Variants in ZNF280C observed in about 807,000 individuals in gnomAD.
ZNF280C encodes the protein zinc finger protein 280C.
ZNF280C carries 14 observed loss-of-function variants against 53.6 expected under a neutral mutation model. The observed-to-expected ratio is 0.26, with a 90% CI of 0.17 to 0.41. The LOEUF is 0.41. Ranked by LOEUF, ZNF280C falls within the 10% of genes least tolerant of loss-of-function variation. The pLI, the probability that ZNF280C is intolerant of heterozygous loss-of-function variation, is 1.00. For missense variants in ZNF280C, 416 were observed against 547.1 expected (o/e 0.76, Z 2.39); for synonymous variants, 203 against 181.1 (o/e 1.12, Z -0.97).
chrX:130,260,510 A>C, intron 1 of ZNF280C, 45 bp from the exon 2 acceptor site: 6 of 980,427 alleles, frequency 6.1e-6, no homozygotes, highest in Middle Eastern at 5.8e-4. Flanking sequence ...GAGTCACTTT[A>C]AGTAACACCA....
chrX:130,237,279 G>A (rs973073992), intron 6 of ZNF280C, among the ~76,000 whole-genome samples: 3 of 111,471 alleles, frequency 2.7e-5, no homozygotes, highest in African/African-American at 6.5e-5. Context: ...ATATGAAAAG[G>A]TTTAGAGTTA....
intron 11 of ZNF280C, among the ~76,000 whole-genome samples, chrX:130,227,227 T>G (rs1466676375): frequency 2.7e-5 from 3 of 112,060 alleles, no homozygotes; most frequent in African/African-American, 9.7e-5. Flanking sequence ...AAACAGAGTA[T>G]TCTCTTCTTT....
chrX:130,255,861 A>G (rs988943497), intron 2 of ZNF280C, among the ~76,000 whole-genome samples: 2 of 112,132 alleles, frequency 1.8e-5, no homozygotes, highest in African/African-American at 6.5e-5. Flanking sequence ...AGGCAGAGGC[A>G]CAAGAATCGC....
intron 2 of ZNF280C, among the ~76,000 whole-genome samples, chrX:130,247,227 GCCTCC>G (rs2032459910): frequency 8.9e-6 from 1 of 111,786 alleles, no homozygotes; most frequent in Non-Finnish European, 1.9e-5. Flanking sequence ...TCCTGCCTCA[GCCTCC>G]CAAGTAGCTG....
At chrX:130,253,111 T>A (rs918829282) in intron 2 of ZNF280C, among the ~76,000 whole-genome samples, 4 of 111,986 alleles carry the variant, frequency 3.6e-5, no homozygotes, top group Non-Finnish European at 7.5e-5. Flanking sequence ...GGCATTCCTA[T>A]ACACCAACAA....
chrX:130,241,196 C>A (rs487939), intron 5 of ZNF280C, among the ~76,000 whole-genome samples: 55,395 of 110,040 alleles, frequency 0.5, 10,816 homozygotes, highest in African/African-American at 0.72. Flanking sequence ...TCCTTCCCTG[C>A]CTGAAAGAAC....
chrX:130,241,299 T>C lies in ZNF280C; in HGVS notation c.382-1606A>G, dbSNP rs2032387803. Among the ~76,000 whole-genome samples the C allele has an allele frequency of 2.7e-5, 3 of 112,655 alleles. No individual in the cohort carries two copies. The South Asian group carries it at 1.1e-3, about 41-fold the overall frequency. The stretch of plus-strand genomic sequence containing the variant: ...ATTCGAGAATATCTGTCTGTCATTC[T>C]CAACTCTGGCTGCACATTACAGTCA... On this transcript the variant is annotated intron_variant, in intron 5 of 18. Transcript: ENST00000370978.
Position 130,250,729 on chromosome X carries a change from G to T in ZNF280C, c.32-3724C>A, listed in dbSNP as rs187538832. ...AAGAAGAGCTGGTACTATTCCTACC[G>T]AAAGTCCTTCCTAACTCATTCTATG... On this transcript the variant is annotated intron_variant, in intron 2 of 18. Coordinates refer to ENST00000370978, the MANE Select transcript of ZNF280C (RefSeq NM_017666.5). Among the ~76,000 whole-genome samples the T allele has an allele frequency of 2.7e-5, 3 of 111,998 alleles. No individual in the cohort carries two copies. In the East Asian group the frequency reaches 8.4e-4, roughly 31 times the overall value.
chrX:130,218,381 A>G (rs1054103461), intron 13 of ZNF280C, among the ~76,000 whole-genome samples: 2 of 111,869 alleles, frequency 1.8e-5, no homozygotes, highest in Non-Finnish European at 3.8e-5. Flanking sequence ...AATTCATCAC[A>G]CAGCATGGTG....
chrX:130,258,830 A>C (rs2032601098), intron 2 of ZNF280C, among the ~76,000 whole-genome samples: 1 of 111,896 alleles, frequency 8.9e-6, no homozygotes, highest in Non-Finnish European at 1.9e-5. Context: ...ACTTGACATC[A>C]AATTGAATAG....
Position 130,246,932 on chromosome X carries a change from T to A in ZNF280C, c.105A>T (p.Glu35Asp), listed in dbSNP as rs1159882679. 2.5e-6 allele frequency: 3 copies of A among 1,211,164 alleles called. No individual in the cohort carries two copies. The highest frequency in any genetic ancestry group is 3.4e-6 in the Non-Finnish European group (3 of 894,750). The part of the protein sequence containing the change: ...EELEPWQKKV[E>D]ETQDEDDDEL... Reference sequence around the variant, plus strand: ...CATCGTCATCCTCATCCTGAGTTTCTTCTACTTTCTTCTGCCATGGCTCTA... The same window carrying A: ...CATCGTCATCCTCATCCTGAGTTTCATCTACTTTCTTCTGCCATGGCTCTA... The change falls in exon 3 of 19, where the codon GAA becomes GAT. Residue 35 changes from glutamate (E) to aspartate (D), a missense_variant. Physicochemically the swap from Glu to Asp is conservative, Grantham distance 45. Transcript: ENST00000370978.
Position 130,251,636 on chromosome X carries a change from T to C in ZNF280C, c.32-4631A>G, listed in dbSNP as rs771087853. Among the ~76,000 whole-genome samples, 130 of 110,926 alleles carry C rather than the reference T, an allele frequency of 1.2e-3. 1 individual carries two copies. The highest frequency in any genetic ancestry group is 4.2e-3 in the African/African-American group (128 of 30,537). ...TGGGGCCGGGCGCGGTAGTGGTGCA[T>C]GCCTGTAGTTCCAGCTACCCAGGAG... On this transcript the variant is annotated intron_variant, in intron 2 of 18. Transcript: ENST00000370978.
chrX:130,251,839 C>T (rs209215), intron 2 of ZNF280C, among the ~76,000 whole-genome samples: 51,334 of 107,977 alleles, frequency 0.48, 9,519 homozygotes, highest in African/African-American at 0.65. Context: ...AGGAGCCAGG[C>T]GTAGAGGCTC....
At chrX:130,208,309 T>C (rs886714076) in intron 16 of ZNF280C, among the ~76,000 whole-genome samples, 3 of 111,431 alleles carry the variant, frequency 2.7e-5, no homozygotes, top group Non-Finnish European at 5.7e-5. Context: ...TTTGTATTTT[T>C]AGTAGAGACG....
At position 130,246,876 on chromosome X, in the gene ZNF280C, G is replaced by A; in HGVS notation, c.161C>T (p.Ser54Leu). ...ELIFVGEISS[S>L]KPAISNILNR... ...ATGCTTACTTGAAATGGCTGGTTTT[G>A]AACTTGATATCTCTCCAACAAAGAT... The change falls in exon 3 of 19, where the codon TCA (serine) becomes TTA (leucine). Residue 54 changes from serine (S) to leucine (L), a missense_variant. Around this residue, in one of 3 missense-constraint regions of ZNF280C, gnomAD observed 193 missense variants for 201.4 expected, o/e 0.96. Coordinates refer to ENST00000370978, the MANE Select transcript of ZNF280C (RefSeq NM_017666.5). 8.3e-7 allele frequency: 1 copy of A among 1,206,885 alleles called. No homozygotes were observed.
intron 15 of ZNF280C, among the ~76,000 whole-genome samples, chrX:130,212,537 G>A (rs1278384682): frequency 1.1e-5 from 1 of 93,508 alleles, no homozygotes; most frequent in Non-Finnish European, 2.0e-5. Flanking sequence ...GAGTAAGAAT[G>A]AAAAATAATG....
chrX:130,237,147 T>C (rs1273369725), intron 6 of ZNF280C, among the ~76,000 whole-genome samples: 1 of 111,960 alleles, frequency 8.9e-6, no homozygotes, highest in Non-Finnish European at 1.9e-5. Context: ...AGATGTGTAA[T>C]GGAAAATTCA....
chrX:130,231,416 G>A (rs1433911050), intron 8 of ZNF280C, among the ~76,000 whole-genome samples: 1 of 111,957 alleles, frequency 8.9e-6, no homozygotes, highest in Non-Finnish European at 1.9e-5. Context: ...GCAGCAACAT[G>A]GATGCAGCTG....
chrX:130,227,054 CA>C, intron 11 of ZNF280C, 149 bp from the exon 12 acceptor site: 1 of 454,152 alleles, frequency 2.2e-6, no homozygotes, highest in Non-Finnish European at 3.6e-6. Context: ...CATATTACTG[CA>C]AGTAATAAAG....
Sources: allele counts gnomAD v4.1 joint callset (sites outside exome capture counted in the v4.1 genomes callset), GRCh38; gene constraint gnomAD v4.1.1; regional missense constraint gnomAD v4.1.1; transcripts MANE v1.5; gene names NCBI Gene and HGNC (gene_info 2026-07-23, HGNC 2026-07-21).